Variants in HIP1 observed in about 807,000 individuals in gnomAD.
HIP1 encodes huntingtin-interacting protein 1.
A neutral mutation model predicts 147.6 loss-of-function variants in HIP1; 65 were observed. The ratio of observed to expected loss-of-function variants is 0.44; its 90% confidence interval spans 0.36 to 0.54. The LOEUF (loss-of-function observed/expected upper bound fraction) is 0.54, where lower values mean the gene tolerates loss of function less well. Among genes scored for constraint, HIP1 ranks in the 20% least tolerant of loss-of-function variants. The pLI is 0.00. For synonymous variants in HIP1, 479 were observed against 504.0 expected, an observed-to-expected ratio of 0.95 and a Z score of 0.67; for missense variants, 1,061 against 1,299.6, an observed-to-expected ratio of 0.82 and a Z score of 2.82.
intron 4 of HIP1, among the ~76,000 whole-genome samples, chr7:75,589,583 T>C (rs1796411130): frequency 7.0e-6 from 1 of 143,876 alleles, no homozygotes; most frequent in Non-Finnish European, 1.5e-5. Flanking sequence ...CTCGGGAGGC[T>C]GAGGCAGGAG....
chr7:75,640,402 G>A (rs906545474), intron 1 of HIP1, among the ~76,000 whole-genome samples: 2 of 152,192 alleles, frequency 1.3e-5, no homozygotes, highest in African/African-American at 4.8e-5. Context: ...ATGCTGCCAC[G>A]GGGCAACCAT....
intron 2 of HIP1, 110 bp from the exon 3 acceptor site, chr7:75,592,624 G>C: frequency 8.6e-7 from 1 of 1,158,240 alleles, no homozygotes; most frequent in Non-Finnish European, 1.2e-6. Flanking sequence ...CCATCACAGG[G>C]GATAGAGGCT....
intron 1 of HIP1, among the ~76,000 whole-genome samples, chr7:75,687,420 G>C (rs1385312368): frequency 6.6e-6 from 1 of 152,188 alleles, no homozygotes; most frequent in Admixed American, 6.5e-5. Context: ...GGCCGGGCAC[G>C]GTGGCTCATG....
chr7:75,562,068 C>T lies in HIP1; in HGVS notation c.1118+5G>A. The T allele has an allele frequency of 6.3e-7, 1 of 1,581,528 alleles. No homozygotes were observed. The highest frequency in any genetic ancestry group is 8.7e-7 in the Non-Finnish European group (1 of 1,150,330). On this transcript the variant is annotated splice_donor_5th_base_variant and intron_variant, in intron 12 of 30. Coordinates refer to ENST00000336926, the MANE Select transcript of HIP1 (RefSeq NM_005338.7). ...ACCATCTGCTTGAACCCAGCTTGGA[C>T]TCACTTCTCATCCTTGTTCACACCA...
intron 1 of HIP1, among the ~76,000 whole-genome samples, chr7:75,720,992 C>T (rs574162257): frequency 1.0e-3 from 151 of 145,362 alleles, no homozygotes; most frequent in African/African-American, 3.8e-3. Flanking sequence ...AAGCCAAGAT[C>T]GGGCCATTGC....
intron 5 of HIP1, 90 bp downstream of exon 5, chr7:75,586,663 T>C: frequency 1.2e-6 from 1 of 812,696 alleles, no homozygotes; most frequent in Non-Finnish European, 2.1e-6. Flanking sequence ...GTCTATTACC[T>C]GAAAGAGCTG....
intron 24 of HIP1, 41 bp downstream of exon 24, chr7:75,547,714 G>A (rs782027239): frequency 6.5e-7 from 1 of 1,549,032 alleles, no homozygotes; most frequent in Non-Finnish European, 8.9e-7. Flanking sequence ...CAGGAAGACA[G>A]ATCCTGCTCC....
At chr7:75,716,774 C>G (rs1435986767) in intron 1 of HIP1, among the ~76,000 whole-genome samples, 1 of 151,832 alleles carries the variant, frequency 6.6e-6, no homozygotes, top group Non-Finnish European at 1.5e-5. Context: ...CCGTCTCAGC[C>G]TCCCAAAGTG....
chr7:75,558,533 T>C (rs1313525904), intron 14 of HIP1, among the ~76,000 whole-genome samples: 2 of 152,176 alleles, frequency 1.3e-5, no homozygotes, highest in Non-Finnish European at 2.9e-5. Flanking sequence ...CTCACTATGT[T>C]TTCCAGGCTG....
chr7:75,587,994 A>G (rs1367265736), intron 4 of HIP1, among the ~76,000 whole-genome samples: 1 of 152,080 alleles, frequency 6.6e-6, no homozygotes, highest in Admixed American at 6.6e-5. Context: ...CAACACACAC[A>G]CAAAAGACTG....
At chr7:75,624,377 A>G (rs1554507667) in intron 1 of HIP1, among the ~76,000 whole-genome samples, 1 of 151,610 alleles carries the variant, frequency 6.6e-6, no homozygotes, top group African/African-American at 2.4e-5. Flanking sequence ...GCTGCCAGAA[A>G]CTCTCCCTTC....
At chr7:75,636,765 A>C (rs1554509747) in intron 1 of HIP1, among the ~76,000 whole-genome samples, 1 of 152,194 alleles carries the variant, frequency 6.6e-6, no homozygotes, top group African/African-American at 2.4e-5. Flanking sequence ...AAGAGGCAAT[A>C]GATGCACCTC....
intron 1 of HIP1, among the ~76,000 whole-genome samples, chr7:75,663,964 A>G (rs1202581125): frequency 3.6e-5 from 1 of 27,556 alleles, no homozygotes; most frequent in Non-Finnish European, 6.8e-5. Flanking sequence ...ATATGTGTAT[A>G]TATATATACA....
At chr7:75,582,248 G>T in intron 5 of HIP1, 97 bp from the exon 6 acceptor site, 1 of 893,468 alleles carries the variant, frequency 1.1e-6, no homozygotes, top group Non-Finnish European at 1.8e-6. Flanking sequence ...CCAGCTACTT[G>T]GGAGGCCGAG....
intron 1 of HIP1, among the ~76,000 whole-genome samples, chr7:75,676,067 T>G (rs1799875827): frequency 1.3e-5 from 2 of 152,204 alleles, no homozygotes; most frequent in Admixed American, 6.6e-5. Context: ...GTGGTCATGC[T>G]GGAAGTCAGA....
intron 1 of HIP1, among the ~76,000 whole-genome samples, chr7:75,711,103 A>G (rs558528165): frequency 4.4e-4 from 67 of 152,300 alleles, no homozygotes; most frequent in African/African-American, 1.5e-3. Context: ...CCCCCAAAGT[A>G]TTAATATGTT....
intron 1 of HIP1, among the ~76,000 whole-genome samples, chr7:75,644,543 C>T (rs1189500676): frequency 1.3e-5 from 2 of 152,168 alleles, no homozygotes; most frequent in African/African-American, 4.8e-5. Context: ...GATCCGCCTG[C>T]CTCAGCCTCC....
intron 14 of HIP1, among the ~76,000 whole-genome samples, 159 bp downstream of exon 14, chr7:75,559,573 G>A (rs1469356531): frequency 6.6e-6 from 1 of 152,116 alleles, no homozygotes; most frequent in African/African-American, 2.4e-5. Context: ...ACTCAAACCC[G>A]CCCTCTGGAC....
At chr7:75,652,737 T>A (rs1049562411) in intron 1 of HIP1, among the ~76,000 whole-genome samples, 1 of 151,914 alleles carries the variant, frequency 6.6e-6, no homozygotes, top group Admixed American at 6.6e-5. Flanking sequence ...GGATAGAATG[T>A]GAAGATCAGA....
Sources: allele counts gnomAD v4.1 joint callset (sites outside exome capture counted in the v4.1 genomes callset), GRCh38; gene constraint gnomAD v4.1.1; transcripts MANE v1.5; gene names NCBI Gene and HGNC (gene_info 2026-07-23, HGNC 2026-07-21).